The following AGBL1 variants were observed in gnomAD, a reference collection of about 807,000 sequenced individuals.
The protein encoded by AGBL1 is AGBL carboxypeptidase 1, also known as cytosolic carboxypeptidase 4.
A neutral mutation model predicts 118.9 loss-of-function variants in AGBL1; 130 were observed. The observed-to-expected ratio is 1.09, with a 90% CI of 0.95 to 1.26. AGBL1 has a LOEUF of 1.26. Ranked by LOEUF, AGBL1 falls within the 50% of genes most tolerant of loss-of-function variation. The pLI, the probability that AGBL1 is intolerant of heterozygous loss-of-function variation, is 0.00. For missense variants in AGBL1, 1,584 were observed against 1,298.1 expected, an observed-to-expected ratio of 1.22 and a Z score of -3.38; for synonymous variants, 555 against 478.9, an observed-to-expected ratio of 1.16 and a Z score of -2.08.
intron 18 of AGBL1, among the ~76,000 whole-genome samples, chr15:86,439,360 TA>T (rs1331939406): frequency 1.3e-5 from 2 of 152,206 alleles, no homozygotes; most frequent in Non-Finnish European, 1.5e-5. Context: ...ATCCCACACT[TA>T]GAGATGACAT....
At chr15:86,286,713 ATG>A (rs1401472264) in intron 16 of AGBL1, among the ~76,000 whole-genome samples, 1 of 140,570 alleles carries the variant, frequency 7.1e-6, no homozygotes, top group African/African-American at 2.9e-5. Flanking sequence ...GTGTATATAT[ATG>A]TGTGTGTGTG....
intron 21 of AGBL1, among the ~76,000 whole-genome samples, chr15:86,646,504 C>A (rs1050202649): frequency 2.6e-5 from 4 of 152,164 alleles, no homozygotes; most frequent in African/African-American, 9.7e-5. Context: ...TGGCTCCCTG[C>A]CTAACCTGAG....
chr15:86,359,033 C>T (rs2080763074), intron 17 of AGBL1, among the ~76,000 whole-genome samples: 1 of 151,668 alleles, frequency 6.6e-6, no homozygotes, highest in Non-Finnish European at 1.5e-5. Context: ...TTGGTGTAAT[C>T]CTACTTGTCT....
At chr15:86,826,898 C>A (rs2079018663) in intron 22 of AGBL1, among the ~76,000 whole-genome samples, 1 of 151,872 alleles carries the variant, frequency 6.6e-6, no homozygotes, top group Non-Finnish European at 1.5e-5. Context: ...GGAGAATATG[C>A]CTGACATAAT....
chr15:86,170,467 G>A (rs1308386957), intron 5 of AGBL1, among the ~76,000 whole-genome samples: 1 of 151,702 alleles, frequency 6.6e-6, no homozygotes, highest in Non-Finnish European at 1.5e-5. Flanking sequence ...AAATCTCTGA[G>A]ATACAATAAA....
rs78130271 is a variant in AGBL1 at position 86,678,420 on chromosome 15, A to G, written c.3158+3984A>G. On this transcript the variant is annotated intron_variant, in intron 22 of 22. Transcript: ENST00000614907. ...TTCTGATGCAGATAAAAATCCTTCT[A>G]TATCATGAGGAGTATTTTTTATAAA... 1.7e-3 allele frequency among the ~76,000 whole-genome samples: 265 copies of G among 152,176 alleles called. 4 individuals carry two copies. The East Asian group carries it at 0.022, about 13-fold the overall frequency.
intron 22 of AGBL1, among the ~76,000 whole-genome samples, chr15:86,701,758 T>TCCCCTTC (rs1408516433): frequency 1.4e-5 from 2 of 146,390 alleles, no homozygotes; most frequent in Non-Finnish European, 3.0e-5. Context: ...TTCACTCCTT[T>TCCCCTTC]CCCCTTCCTT....
At chr15:86,612,503 A>G (rs2084671407) in intron 21 of AGBL1, among the ~76,000 whole-genome samples, 1 of 152,098 alleles carries the variant, frequency 6.6e-6, no homozygotes, top group Non-Finnish European at 1.5e-5. Flanking sequence ...AGTTTAGACA[A>G]CAGTGACCGG....
rs550372939 is a variant in AGBL1 at position 86,550,923 on chromosome 15, A to C, written c.2818-3438A>C. ...AGAATTAAATTATAAATTAACTTTC[A>C]TAAGAAATCTGGGATATCTCTGATT... On this transcript the variant is annotated intron_variant, in intron 20 of 22. Coordinates refer to ENST00000614907, the MANE Select transcript of AGBL1 (RefSeq NM_001386094.1). Among the ~76,000 whole-genome samples the C allele has an allele frequency of 5.3e-5, 8 of 152,100 alleles. No homozygotes were observed. In the South Asian group the frequency reaches 1.7e-3, roughly 32 times the overall value.
At chr15:86,223,872 T>C (rs1392665275) in intron 5 of AGBL1, among the ~76,000 whole-genome samples, 5 of 152,184 alleles carry the variant, frequency 3.3e-5, no homozygotes, top group African/African-American at 1.2e-4. Context: ...TATTAGCTAA[T>C]ATATTGCAAA....
rs561740743 is a variant in AGBL1, at chr15:86,213,074, AG to A, written c.489-11838del. Among the ~76,000 whole-genome samples the A allele has an allele frequency of 3.9e-3, 590 of 152,356 alleles. 5 individuals carry two copies. The highest frequency in any genetic ancestry group is 0.014 in the African/African-American group (563 of 41,584). ...AAGGAGTGATCACCAAATCATTGCA[AG>A]GCTTTGTGATATGTACAAAAATGAA... On this transcript the variant is annotated intron_variant, in intron 5 of 22. Coordinates refer to ENST00000614907, the MANE Select transcript of AGBL1 (RefSeq NM_001386094.1).
rs1006639293 is a variant in AGBL1, at chr15:86,343,822, G to A, written c.2374+48414G>A. ...GTGACCAGCAGGTCCTGCTGTTGCC[G>A]CTGCTCGCAGGGCTTTTAATCACCT... On this transcript the variant is annotated intron_variant, in intron 17 of 22. Coordinates refer to ENST00000614907, the MANE Select transcript of AGBL1 (RefSeq NM_001386094.1). 3.3e-5 allele frequency among the ~76,000 whole-genome samples: 5 copies of A among 152,182 alleles called. 1 individual carries two copies. Among genetic ancestry groups the A allele is most frequent in the Admixed American group, 2.6e-4 (4 of 15,284 alleles).
At chr15:86,179,549 G>A (rs79710016) in intron 5 of AGBL1, among the ~76,000 whole-genome samples, 2,809 of 151,852 alleles carry the variant, frequency 0.018, 89 homozygotes, top group African/African-American at 0.063. Flanking sequence ...AGAAATAGAA[G>A]GGAACTTTCT....
At chr15:86,352,194 G>T (rs1164327100) in intron 17 of AGBL1, among the ~76,000 whole-genome samples, 2 of 152,186 alleles carry the variant, frequency 1.3e-5, no homozygotes, top group East Asian at 3.8e-4. Context: ...GGTTCGGATT[G>T]TGGCATCTTG....
At chr15:86,597,502 A>G (rs745384966) in intron 21 of AGBL1, among the ~76,000 whole-genome samples, 5 of 152,144 alleles carry the variant, frequency 3.3e-5, no homozygotes, top group Non-Finnish European at 7.4e-5. Flanking sequence ...ACCCCAGTTT[A>G]CCAGTGTACC....
At chr15:86,210,542 C>T (rs2078074970) in intron 5 of AGBL1, among the ~76,000 whole-genome samples, 1 of 152,172 alleles carries the variant, frequency 6.6e-6, no homozygotes, top group African/African-American at 2.4e-5. Flanking sequence ...TAAACTTCTC[C>T]TCTTGCTTTA....
chr15:86,134,608 T>C (rs1158825542), intron 1 of AGBL1, among the ~76,000 whole-genome samples: 3 of 39,938 alleles, frequency 7.5e-5, no homozygotes, highest in South Asian at 1.3e-3. Context: ...TGGTGCCTTT[T>C]TTTTTTTTTT....
In AGBL1 at chr15:86,522,905, T is replaced by C. The variant is rs775831647; in HGVS notation, c.2651T>C (p.Leu884Pro). 1.9e-6 allele frequency: 3 copies of C among 1,613,872 alleles called. No individual in the cohort carries two copies. The highest frequency in any genetic ancestry group is 2.5e-6 in the Non-Finnish European group (3 of 1,179,868). Residue 884 changes from leucine to proline, a missense_variant, in exon 19 of 23, where the codon CTC (leucine) becomes CCC (proline). Coordinates refer to ENST00000614907, the MANE Select transcript of AGBL1 (RefSeq NM_001386094.1). ...ACCATTTACCATGCCAAAGGCCTCCTCTACCACCTGAGCAGCATTGGCCGA... is the reference window on the plus strand; with the variant it reads ...ACCATTTACCATGCCAAAGGCCTCCCCTACCACCTGAGCAGCATTGGCCGA... ...QPTIYHAKGL[L>P]YHLSSIGRSP...
At chr15:86,407,106 A>T (rs777933145) in intron 18 of AGBL1, among the ~76,000 whole-genome samples, 3 of 152,210 alleles carry the variant, frequency 2.0e-5, no homozygotes, top group Non-Finnish European at 4.4e-5. Context: ...ACTACACATT[A>T]TCAACCTTTT....
Sources: allele counts gnomAD v4.1 joint callset (sites outside exome capture counted in the v4.1 genomes callset), GRCh38; gene constraint gnomAD v4.1.1; transcripts MANE v1.5; gene names NCBI Gene and HGNC (gene_info 2026-07-23, HGNC 2026-07-21).